HMCN1: variants seen among roughly 807,000 people sequenced by gnomAD.
HMCN1 encodes the protein hemicentin-1.
Under a neutral mutation model 625.9 loss-of-function variants are expected in HMCN1, and 321 were observed. The observed-to-expected ratio is 0.51, with a 90% CI of 0.47 to 0.56. The LOEUF is 0.56. Among genes scored for constraint, HMCN1 ranks in the 20% least tolerant of loss-of-function variants. The pLI is 0.00. For synonymous variants in HMCN1, 2,425 were observed against 2,417.6 expected, an observed-to-expected ratio of 1.00 and a Z score of -0.09; for missense variants, 6,588 against 6,887.3, an observed-to-expected ratio of 0.96 and a Z score of 1.54.
At chr1:186,028,379 CA>C (rs1170116526) in intron 36 of HMCN1, among the ~76,000 whole-genome samples, 1 of 152,108 alleles carries the variant, frequency 6.6e-6, no homozygotes, top group Non-Finnish European at 1.5e-5. Context: ...AATGTTCTCC[CA>C]AATTTCAAGA....
In HMCN1 at chr1:185,803,914, A is replaced by G. The variant is rs545772748; in HGVS notation, c.269-42112A>G. Among the ~76,000 whole-genome samples the G allele has an allele frequency of 6.6e-5, 10 of 152,130 alleles. 1 individual carries two copies. In the South Asian group the frequency reaches 1.7e-3, roughly 25 times the overall value. On this transcript the variant is annotated intron_variant, in intron 1 of 106. Transcript: ENST00000271588. Reference sequence around the variant, plus strand: ...GTCATTGCTTTTTGGCTATCATTCAATTGCTGTCTTCAGAATACATCTTCT... The same window carrying G: ...GTCATTGCTTTTTGGCTATCATTCAGTTGCTGTCTTCAGAATACATCTTCT...
Position 186,045,713 on chromosome 1 carries a change from A to G in HMCN1, c.6330A>G (p.Glu2110=), listed in dbSNP as rs1161945843. 6.2e-7 allele frequency: 1 copy of G among 1,613,504 alleles called. No individual in the cohort carries two copies. The change falls in exon 41 of 107, where the codon GAA becomes GAG. Residue 2110 remains glutamate, a synonymous_variant. Coordinates refer to ENST00000271588, the MANE Select transcript of HMCN1 (RefSeq NM_031935.3). The part of the protein sequence containing the change: ...VYVPPNIMGE[E]QNVSVLISQA... ...TTCCGCCAAATATTATGGGAGAAGA[A>G]CAGAATGTCTCTGTCCTCATTAGCC...
At chr1:186,041,697 G>A (rs1384004325) in intron 40 of HMCN1, among the ~76,000 whole-genome samples, 6 of 152,104 alleles carry the variant, frequency 3.9e-5, no homozygotes, top group Admixed American at 3.9e-4. Context: ...GAAAGTTGGG[G>A]CCTCTTGATC....
At position 186,123,094 on chromosome 1, in the gene HMCN1, C is replaced by T. The variant is rs1661474086; in HGVS notation, c.12373C>T (p.Gln4125Ter). Residue 4125 changes from glutamine to a stop codon, truncating the protein, a stop_gained, in exon 81 of 107, where the codon CAG becomes TAG. Transcript: ENST00000271588. LOFTEE classifies it high-confidence loss of function. ...GCGTGCAATTGTGGAATCTATCCGC[C>T]AGCGCGTCCTCAGCTCTGGCTCTCT... Reference protein sequence around the residue: ...DGRAIVESIRQRVLSSGSLQI... With the variant: ...DGRAIVESIR 6.2e-7 allele frequency: 1 copy of T among 1,614,020 alleles called. No homozygotes were observed. Among genetic ancestry groups the T allele is most frequent in the African/African-American group, 1.3e-5 (1 of 74,922 alleles).
chr1:185,890,561 G>T (rs891082514), intron 4 of HMCN1, among the ~76,000 whole-genome samples: 1 of 142,402 alleles, frequency 7.0e-6, no homozygotes, highest in Non-Finnish European at 1.5e-5. Flanking sequence ...CCTTCATTTC[G>T]TTATGTACCC....
In HMCN1 at chr1:185,922,293, T is replaced by C; in HGVS notation, c.901-86T>C. 4 of 1,408,328 alleles carry C rather than the reference T, an allele frequency of 2.8e-6. No homozygotes were observed. In the South Asian group the frequency reaches 3.5e-5, roughly 12 times the overall value. 87.2% of individuals were successfully genotyped at this position (1,408,328 alleles called of 1,614,324 possible). A position where few individuals can be genotyped will look rare whatever the true frequency, so the allele number is the denominator to read the frequency against. Reference sequence around the variant, plus strand: ...TTGGACATCGATCCTAATTAAATATTGTGCAGTTTCCCATACTGGCGAGGG... The same window carrying C: ...TTGGACATCGATCCTAATTAAATATCGTGCAGTTTCCCATACTGGCGAGGG... On this transcript the variant is annotated intron_variant, in intron 6 of 106. Coordinates refer to ENST00000271588, the MANE Select transcript of HMCN1 (RefSeq NM_031935.3).
At chr1:185,973,842 C>A (rs191017236) in intron 15 of HMCN1, among the ~76,000 whole-genome samples, 147 of 152,188 alleles carry the variant, frequency 9.7e-4, no homozygotes, top group African/African-American at 3.4e-3. Flanking sequence ...GCATTCCATA[C>A]CACACAGGGT....
Position 186,123,099 on chromosome 1 carries a change from C to A in HMCN1, c.12378C>A (p.Arg4126=). 6.2e-7 allele frequency: 1 copy of A among 1,614,130 alleles called. No individual in the cohort carries two copies. Among genetic ancestry groups the A allele is most frequent in the Non-Finnish European group, 8.5e-7 (1 of 1,180,002 alleles). The part of the protein sequence containing the change: ...GRAIVESIRQ[R]VLSSGSLQIA... ...CAATTGTGGAATCTATCCGCCAGCG[C>A]GTCCTCAGCTCTGGCTCTCTGCAAA... The change falls in exon 81 of 107, where the codon CGC becomes CGA. Residue 4126 remains arginine (R), a synonymous_variant. Coordinates refer to ENST00000271588, the MANE Select transcript of HMCN1 (RefSeq NM_031935.3).
intron 15 of HMCN1, among the ~76,000 whole-genome samples, chr1:185,973,869 G>A (rs1379845297): frequency 1.3e-5 from 2 of 152,018 alleles, no homozygotes; most frequent in Non-Finnish European, 2.9e-5. Flanking sequence ...CTTAGACTGT[G>A]GTTTCATGCT....
In HMCN1 at chr1:186,115,393, A is replaced by G. The variant is rs1224823497; in HGVS notation, c.11540A>G (p.Asp3847Gly). Reference sequence around the variant, plus strand: ...AAAAATGGGCATCTTCTTAATGTGGATCAAAATCAGAACTCATACAGGTAA... The same window carrying G: ...AAAAATGGGCATCTTCTTAATGTGGGTCAAAATCAGAACTCATACAGGTAA... Reference protein sequence around the residue: ...WRKNGHLLNVDQNQNSYRLLS... With the variant: ...WRKNGHLLNVGQNQNSYRLLS... The change falls in exon 75 of 107, where the codon GAT (aspartate) becomes GGT (glycine). Residue 3847 changes from aspartate to glycine, a missense_variant. Transcript: ENST00000271588. 6.2e-7 allele frequency: 1 copy of G among 1,613,578 alleles called. No homozygotes were observed. The highest frequency in any genetic ancestry group is 1.3e-5 in the African/African-American group (1 of 74,932).
chr1:186,167,962 T>C (rs1256237182), intron 100 of HMCN1, among the ~76,000 whole-genome samples: 3 of 151,978 alleles, frequency 2.0e-5, no homozygotes, highest in Non-Finnish European at 4.4e-5. Flanking sequence ...GAAAAGACAG[T>C]GGATCCAAAA....
chr1:186,121,889 T>A (rs1661414310), intron 80 of HMCN1, among the ~76,000 whole-genome samples: 1 of 152,094 alleles, frequency 6.6e-6, no homozygotes, highest in Non-Finnish European at 1.5e-5. Flanking sequence ...AGGGCAGGGA[T>A]ATCGTTGGAA....
chr1:185,975,925 T>G (rs1487547900), intron 15 of HMCN1, among the ~76,000 whole-genome samples: 1 of 152,112 alleles, frequency 6.6e-6, no homozygotes, highest in Non-Finnish European at 1.5e-5. Flanking sequence ...CACACTGTGT[T>G]ATTACTGAAG....
Position 186,136,776 on chromosome 1 carries a change from C to A in HMCN1, c.13421C>A (p.Ser4474Tyr). 6.2e-7 allele frequency: 1 copy of A among 1,613,940 alleles called. No homozygotes were observed. Among genetic ancestry groups the A allele is most frequent in the South Asian group, 1.1e-5 (1 of 91,072 alleles). The change falls in exon 87 of 107, where the codon TCC becomes TAC. Residue 4474 changes from serine to tyrosine, a missense_variant. This residue lies in a region of HMCN1 where 1,954 missense variants were observed against 2,013.1 expected (regional missense o/e 0.97). Coordinates refer to ENST00000271588, the MANE Select transcript of HMCN1 (RefSeq NM_031935.3). ...GAGCCTCAACCAACCATTACATGGT[C>A]CCGTCAAGGGCACTCTATTTCCTGG... Reference protein sequence around the residue: ...TGEPQPTITWSRQGHSISWDD... With the variant: ...TGEPQPTITWYRQGHSISWDD...
At chr1:185,817,477 A>T (rs61103306) in intron 1 of HMCN1, among the ~76,000 whole-genome samples, 8,901 of 152,196 alleles carry the variant, frequency 0.058, 882 homozygotes, top group African/African-American at 0.2. Flanking sequence ...GAAAAAAGGC[A>T]GAAGAGAAAG....
chr1:186,010,660 A>T (rs1479528466), intron 30 of HMCN1, among the ~76,000 whole-genome samples: 1 of 152,218 alleles, frequency 6.6e-6, no homozygotes, highest in Non-Finnish European at 1.5e-5. Flanking sequence ...AAATAATCTC[A>T]ATCAAAATTA....
At chr1:186,027,194 C>T (rs1039656036) in intron 36 of HMCN1, among the ~76,000 whole-genome samples, 9 of 152,136 alleles carry the variant, frequency 5.9e-5, no homozygotes, top group African/African-American at 1.9e-4. Flanking sequence ...GAGGAACATT[C>T]TCATGGGGTT....
At chr1:186,104,943 G>T (rs1484846973) in intron 69 of HMCN1, among the ~76,000 whole-genome samples, 6 of 152,172 alleles carry the variant, frequency 3.9e-5, no homozygotes, top group African/African-American at 1.4e-4. Flanking sequence ...AGACAGAAAA[G>T]TATGTGGAAT....
intron 75 of HMCN1, 59 bp downstream of exon 75, chr1:186,115,473 T>C: frequency 6.7e-7 from 1 of 1,491,940 alleles, no homozygotes; most frequent in Non-Finnish European, 9.3e-7. Context: ...TGAATCAACA[T>C]TTTAATTCTA....
Sources: allele counts gnomAD v4.1 joint callset (sites outside exome capture counted in the v4.1 genomes callset), GRCh38; gene constraint gnomAD v4.1.1; regional missense constraint gnomAD v4.1.1; transcripts MANE v1.5; gene names NCBI Gene and HGNC (gene_info 2026-07-23, HGNC 2026-07-21).